The following GPR160 variants were observed in gnomAD, a reference collection of about 807,000 sequenced individuals.
The protein encoded by GPR160 is probable G protein-coupled receptor 160.
GPR160 carries 2 observed loss-of-function variants against 2.6 expected under a neutral mutation model. The ratio of observed to expected loss-of-function variants is 0.77; its 90% CI spans 0.32 to 2.44. The LOEUF (loss-of-function observed/expected upper bound fraction) is 2.44, where lower values mean the gene tolerates loss of function less well. Among genes scored for constraint, GPR160 ranks in the 30% most tolerant of loss-of-function variants. The pLI is 0.11. For synonymous variants in GPR160, 130 were observed against 132.2 expected (o/e 0.98, Z 0.12); for missense variants, 351 against 383.6 (o/e 0.91, Z 0.71).
At chr3:170,072,534 A>G (rs893790351) in intron 2 of GPR160, among the ~76,000 whole-genome samples, 2 of 152,192 alleles carry the variant, frequency 1.3e-5, no homozygotes, top group Non-Finnish European at 2.9e-5. Context: ...TCATGGTTCT[A>G]CAGACTGTAC....
At chr3:170,068,437 G>C (rs1286366003) in intron 2 of GPR160, among the ~76,000 whole-genome samples, 3 of 152,186 alleles carry the variant, frequency 2.0e-5, no homozygotes, top group Admixed American at 6.5e-5. Context: ...TTACAGGTGT[G>C]AGCCACTGCA....
intron 2 of GPR160, chr3:170,077,652 CAAT>C (rs1375817693): frequency 6.6e-6 from 1 of 152,240 alleles, no homozygotes; most frequent in African/African-American, 2.4e-5. Context: ...AAAGGAAGAA[CAAT>C]AATGTTAATT....
At chr3:170,049,477 C>A (rs1029303731) in intron 2 of GPR160, among the ~76,000 whole-genome samples, 1 of 152,172 alleles carries the variant, frequency 6.6e-6, no homozygotes, top group Non-Finnish European at 1.5e-5. Context: ...GACAAGTTAC[C>A]AGAGTGCAGA....
rs1404332702 is a variant in GPR160, at chr3:170,073,199, AG to A, written c.-192-6574del. ...CAAGATTCTCTTACCAAAAAAAAAAAGAAAAAATTATTGCCTATTATAATTT... is the reference window on the plus strand; with the variant it reads ...CAAGATTCTCTTACCAAAAAAAAAAAAAAAAATTATTGCCTATTATAATTT... On this transcript the variant is annotated intron_variant, in intron 2 of 3. Transcript: ENST00000355897. 3.6e-3 allele frequency among the ~76,000 whole-genome samples: 546 copies of A among 152,238 alleles called. 6 individuals carry two copies. Among genetic ancestry groups the A allele is most frequent in the African/African-American group, 0.013 (536 of 41,520 alleles).
intron 2 of GPR160, among the ~76,000 whole-genome samples, chr3:170,074,653 TATACTTTTTGATAG>T (rs1467315887): frequency 6.6e-6 from 1 of 152,020 alleles, no homozygotes; most frequent in Non-Finnish European, 1.5e-5. Context: ...AGCTAAGTTT[TATACTTTTTGATAG>T]AGATGAGGTT....
chr3:170,078,988 G>T (rs951984984), intron 2 of GPR160, among the ~76,000 whole-genome samples: 1 of 152,094 alleles, frequency 6.6e-6, no homozygotes, highest in Non-Finnish European at 1.5e-5. Flanking sequence ...ACGTGTAGGG[G>T]AATTTATCTT....
intron 3 of GPR160, among the ~76,000 whole-genome samples, chr3:170,081,610 A>G (rs1713130961): frequency 6.6e-6 from 1 of 152,132 alleles, no homozygotes; most frequent in Non-Finnish European, 1.5e-5. Flanking sequence ...TCAGGGGTAC[A>G]TGTGCAGGTT....
chr3:170,055,152 C>A (rs993381500), intron 2 of GPR160, among the ~76,000 whole-genome samples: 10 of 152,096 alleles, frequency 6.6e-5, no homozygotes, highest in African/African-American at 2.2e-4. Context: ...TAAAGTCGTT[C>A]TTAGGAGATG....
At chr3:170,064,731 G>C (rs1394025983) in intron 2 of GPR160, among the ~76,000 whole-genome samples, 1 of 151,954 alleles carries the variant, frequency 6.6e-6, no homozygotes. Flanking sequence ...TGTTGGCCAG[G>C]CTGGTCTCAA....
At chr3:170,069,995 CAT>C (rs1491320949) in intron 2 of GPR160, among the ~76,000 whole-genome samples, 2 of 152,060 alleles carry the variant, frequency 1.3e-5, no homozygotes, top group African/African-American at 2.4e-5. Context: ...TCCCTAGTAT[CAT>C]GTGTGTGTGT....
chr3:170,082,367 G>A (rs1333391380), intron 3 of GPR160, among the ~76,000 whole-genome samples: 1 of 152,128 alleles, frequency 6.6e-6, no homozygotes, highest in Non-Finnish European at 1.5e-5. Flanking sequence ...CCTATCCTGA[G>A]AAACATTTTT....
At chr3:170,045,447 A>ACC in intron 2 of GPR160, among the ~76,000 whole-genome samples, 1 of 117,352 alleles carries the variant, frequency 8.5e-6, no homozygotes, top group African/African-American at 3.4e-5. Flanking sequence ...AAAAAAAAAA[A>ACC]CCAATTAGCC....
intron 2 of GPR160, among the ~76,000 whole-genome samples, chr3:170,070,334 T>C (rs1000246597): frequency 6.6e-6 from 1 of 152,234 alleles, no homozygotes; most frequent in Admixed American, 6.5e-5. Context: ...TATTGTCCTC[T>C]TTCTTGAACA....
At chr3:170,040,805 G>C (rs1035604962) in intron 2 of GPR160, among the ~76,000 whole-genome samples, 2 of 152,220 alleles carry the variant, frequency 1.3e-5, no homozygotes, top group Non-Finnish European at 2.9e-5. Context: ...GCTTGAGAGA[G>C]AGCTTAGCTG....
At chr3:170,055,992 G>C (rs927887089) in intron 2 of GPR160, among the ~76,000 whole-genome samples, 1 of 152,190 alleles carries the variant, frequency 6.6e-6, no homozygotes, top group African/African-American at 2.4e-5. Context: ...CAGCCCATAA[G>C]TATCTGAACA....
At chr3:170,065,922 C>A (rs1447263110) in intron 2 of GPR160, among the ~76,000 whole-genome samples, 2 of 151,684 alleles carry the variant, frequency 1.3e-5, no homozygotes, top group Non-Finnish European at 2.9e-5. Context: ...TAACCACTGT[C>A]TTTAACTTTT....
At chr3:170,057,334 A>G (rs959012786) in intron 2 of GPR160, 3 of 152,216 alleles carry the variant, frequency 2.0e-5, no homozygotes, top group African/African-American at 7.2e-5. Context: ...TAGCCAGTGA[A>G]GTTTATCTGA....
At chr3:170,052,449 G>A (rs1488705862) in intron 2 of GPR160, among the ~76,000 whole-genome samples, 1 of 152,188 alleles carries the variant, frequency 6.6e-6, no homozygotes, top group Non-Finnish European at 1.5e-5. Flanking sequence ...GTATGTCATT[G>A]TCATTTTAAT....
chr3:170,062,595 G>GT, intron 2 of GPR160: 1 of 1,171,762 alleles, frequency 8.5e-7, no homozygotes, highest in Non-Finnish European at 1.2e-6. Flanking sequence ...AACCAAAAAT[G>GT]TGAAGCAGCA....
Sources: gnomAD v4.1 joint callset for allele counts (sites outside exome capture counted in the v4.1 genomes callset) on GRCh38, gnomAD v4.1.1 for gene constraint, MANE v1.5 for transcripts, NCBI Gene and HGNC (gene_info 2026-07-23, HGNC 2026-07-21) for gene names.